The following TSPAN9 variants were observed in gnomAD, a reference collection of about 807,000 sequenced individuals.
The protein encoded by TSPAN9 is tetraspanin-9.
In TSPAN9, 16 loss-of-function variants were observed where a neutral mutation model predicts 31.0. The ratio of observed to expected loss-of-function variants is 0.52; its 90% CI spans 0.35 to 0.78. The LOEUF (loss-of-function observed/expected upper bound fraction) is 0.78, where lower values mean the gene tolerates loss of function less well. Among genes scored for constraint, TSPAN9 ranks in the 30% least tolerant of loss-of-function variants. TSPAN9 has a pLI of 0.01. For synonymous variants in TSPAN9, 145 were observed against 121.6 expected, an observed-to-expected ratio of 1.19 and a Z score of -1.27; for missense variants, 272 against 312.5, an observed-to-expected ratio of 0.87 and a Z score of 0.98.
chr12:3,121,659 T>C (rs1372861575), intron 2 of TSPAN9, among the ~76,000 whole-genome samples: 7 of 150,174 alleles, frequency 4.7e-5, no homozygotes, highest in East Asian at 4.0e-4. Context: ...GTTATAGATA[T>C]GAGCCACTGC....
In TSPAN9 at chr12:3,077,465, C is replaced by CCGGGCGG. The variant is rs1302792727; in HGVS notation, c.-85+22_-85+28dup. The CCGGGCGG allele has an allele frequency of 2.0e-5, 3 of 152,340 alleles. No homozygotes were observed. Among genetic ancestry groups the CCGGGCGG allele is most frequent in the Non-Finnish European group, 4.4e-5 (3 of 68,208 alleles). The allele number at this position is 152,340 out of a possible 1,614,324, so 9.4% of individuals were successfully genotyped here. ...GTCCTGCGGGCGCGGTGAGTGCGGC[C>CCGGGCGG]CGGGCGGCGGGCGGCGAGGCGGGTC... On this transcript the variant is annotated intron_variant, in intron 1 of 8. Coordinates refer to ENST00000011898, the MANE Select transcript of TSPAN9 (RefSeq NM_006675.5).
At chr12:3,260,671 C>T (rs1185131008) in intron 3 of TSPAN9, among the ~76,000 whole-genome samples, 1 of 152,182 alleles carries the variant, frequency 6.6e-6, no homozygotes, top group Non-Finnish European at 1.5e-5. Context: ...TGAATATCTG[C>T]AGGGCAAAAT....
intron 3 of TSPAN9, among the ~76,000 whole-genome samples, chr12:3,203,324 C>T (rs950196970): frequency 2.2e-4 from 33 of 152,172 alleles, no homozygotes; most frequent in African/African-American, 7.5e-4. Context: ...AGGGCCAGAG[C>T]TGTAAATCCA....
chr12:3,260,880 C>T (rs1862436213), intron 3 of TSPAN9, among the ~76,000 whole-genome samples: 1 of 152,132 alleles, frequency 6.6e-6, no homozygotes, highest in East Asian at 1.9e-4. Flanking sequence ...GGGATGAGGA[C>T]CCTAGATTGC....
intron 2 of TSPAN9, among the ~76,000 whole-genome samples, chr12:3,155,111 AAAATT>A (rs1400729092): frequency 2.6e-5 from 4 of 152,240 alleles, no homozygotes; most frequent in African/African-American, 9.6e-5. Flanking sequence ...TAATTAAAAA[AAAATT>A]AAAACGTGAT....
chr12:3,266,908 GC>G (rs1326318958), intron 3 of TSPAN9, among the ~76,000 whole-genome samples: 1 of 152,186 alleles, frequency 6.6e-6, no homozygotes, highest in Non-Finnish European at 1.5e-5. Context: ...CTGTGTTGGG[GC>G]CAGAGGTGGA....
At chr12:3,105,512 G>T (rs1201337427) in intron 2 of TSPAN9, among the ~76,000 whole-genome samples, 1 of 151,910 alleles carries the variant, frequency 6.6e-6, no homozygotes, top group African/African-American at 2.4e-5. Context: ...GGGAACCCAG[G>T]AGCCTAGGCC....
chr12:3,142,489 A>G (rs1282721065), intron 2 of TSPAN9, among the ~76,000 whole-genome samples: 3 of 152,200 alleles, frequency 2.0e-5, no homozygotes, highest in Non-Finnish European at 4.4e-5. Flanking sequence ...AAGGTGATAT[A>G]TAAATGTAAG....
chr12:3,275,047 A>T (rs776692554), intron 3 of TSPAN9, among the ~76,000 whole-genome samples: 3 of 152,240 alleles, frequency 2.0e-5, no homozygotes, highest in Non-Finnish European at 2.9e-5. Context: ...GTGTTCCCTG[A>T]GAGGTAGAAG....
Position 3,109,034 on chromosome 12 carries a change from T to G in TSPAN9, c.-18+25315T>G, listed in dbSNP as rs190835816. Reference sequence around the variant, plus strand: ...CACTGCAAGCTCCGCCTCTCGGGTTTACACCATTCTCCTGTCTCAGCCTCC... The same window carrying G: ...CACTGCAAGCTCCGCCTCTCGGGTTGACACCATTCTCCTGTCTCAGCCTCC... On this transcript the variant is annotated intron_variant, in intron 2 of 8. Transcript: ENST00000011898. Among the ~76,000 whole-genome samples the G allele has an allele frequency of 2.6e-5, 4 of 152,026 alleles. No individual in the cohort carries two copies. In the South Asian group the frequency reaches 8.3e-4, roughly 32 times the overall value.
At chr12:3,094,660 C>T (rs761482460) in intron 2 of TSPAN9, among the ~76,000 whole-genome samples, 43 of 151,500 alleles carry the variant, frequency 2.8e-4, no homozygotes, top group Non-Finnish European at 5.3e-4. Context: ...CTCAGCCTCC[C>T]GAGTAGCTGG....
chr12:3,109,098 G>T (rs2098316403), intron 2 of TSPAN9, among the ~76,000 whole-genome samples: 1 of 151,964 alleles, frequency 6.6e-6, no homozygotes, highest in Non-Finnish European at 1.5e-5. Context: ...ACCACGCCCG[G>T]CTAATTTTTT....
intron 2 of TSPAN9, among the ~76,000 whole-genome samples, chr12:3,158,933 T>G (rs2098343713): frequency 6.6e-6 from 1 of 151,650 alleles, no homozygotes; most frequent in Non-Finnish European, 1.5e-5. Context: ...GGGAACGTAC[T>G]CCTCCTTTGC....
intron 3 of TSPAN9, 113 bp from the exon 4 acceptor site, chr12:3,278,308 C>G (rs1005497837): frequency 4.2e-6 from 6 of 1,442,418 alleles, no homozygotes; most frequent in Non-Finnish European, 5.6e-6. Context: ...CTCACCTTGT[C>G]GGTTCTCACT....
Position 3,147,880 on chromosome 12 carries a change from T to A in TSPAN9, c.-17-53297T>A, listed in dbSNP as rs1224411691. Among the ~76,000 whole-genome samples, 1 of 152,062 alleles carries A rather than the reference T, an allele frequency of 6.6e-6. No homozygotes were observed. The highest frequency in any genetic ancestry group is 1.5e-5 in the Non-Finnish European group (1 of 68,012). On this transcript the variant is annotated intron_variant, in intron 2 of 8. Transcript: ENST00000011898. This position sits in a 1 kb window ranked among gnomAD's most constrained non-coding sequence, Gnocchi z 4.3. ...CTTAGTAAGAGATTACTAAGCTGTG[T>A]GAGTGGTGTACACATATGTGGAGTC...
intron 2 of TSPAN9, among the ~76,000 whole-genome samples, chr12:3,176,281 G>A (rs976611231): frequency 6.6e-6 from 1 of 152,258 alleles, no homozygotes; most frequent in African/African-American, 2.4e-5. Context: ...TTGGAGAAGA[G>A]AAGGTCCAAT....
chr12:3,279,177 C>A, intron 5 of TSPAN9, 111 bp downstream of exon 5: 1 of 976,360 alleles, frequency 1.0e-6, no homozygotes, highest in Non-Finnish European at 1.6e-6. Context: ...GCAAGCAGCA[C>A]CTGTGCAGAA....
At chr12:3,082,503 C>A (rs1458239163) in intron 1 of TSPAN9, among the ~76,000 whole-genome samples, 2 of 152,134 alleles carry the variant, frequency 1.3e-5, no homozygotes, top group African/African-American at 4.8e-5. Context: ...GTGGAGATAG[C>A]CATCAACCTT....
intron 3 of TSPAN9, among the ~76,000 whole-genome samples, chr12:3,255,167 G>C (rs1489555462): frequency 1.3e-5 from 2 of 152,228 alleles, no homozygotes; most frequent in Non-Finnish European, 2.9e-5. Context: ...ATGGGTGCAG[G>C]GACAGTCAAC....
Sources: gnomAD v4.1 joint callset for allele counts (sites outside exome capture counted in the v4.1 genomes callset) on GRCh38, gnomAD v4.1.1 for gene constraint, Gnocchi (gnomAD v3.1) non-coding constraint, MANE v1.5 for transcripts, NCBI Gene and HGNC (gene_info 2026-07-23, HGNC 2026-07-21) for gene names.